The following CCBE1 variants were observed in gnomAD, a reference collection of about 807,000 sequenced individuals.
The protein encoded by CCBE1 is collagen and calcium-binding EGF domain-containing protein 1.
Under a neutral mutation model 50.0 loss-of-function variants are expected in CCBE1, and 37 were observed. The ratio of observed to expected loss-of-function variants is 0.74; its 90% CI spans 0.57 to 0.97. The LOEUF is 0.97. Ranked by LOEUF, CCBE1 falls within the 50% of genes least tolerant of loss-of-function variation. The probability of loss-of-function intolerance (pLI) is 0.00; values close to 1 mark genes in which losing one functional copy is unlikely to be tolerated. For synonymous variants in CCBE1, 234 were observed against 203.7 expected (o/e 1.15, Z -1.27); for missense variants, 538 against 523.8 (o/e 1.03, Z -0.26).
At chr18:59,498,899 A>G (rs1024078230) in intron 2 of CCBE1, among the ~76,000 whole-genome samples, 3 of 152,200 alleles carry the variant, frequency 2.0e-5, no homozygotes, top group Admixed American at 1.3e-4. Flanking sequence ...AATGCTTTTT[A>G]ATCTGGTCTC....
chr18:59,577,668 T>C (rs1331429990), intron 2 of CCBE1, among the ~76,000 whole-genome samples: 4 of 152,196 alleles, frequency 2.6e-5, no homozygotes, highest in Non-Finnish European at 4.4e-5. Flanking sequence ...CCATGTGTGT[T>C]AGCGGTTCAA....
chr18:59,535,026 C>A (rs770395871), intron 2 of CCBE1, among the ~76,000 whole-genome samples: 1 of 152,184 alleles, frequency 6.6e-6, no homozygotes, highest in Non-Finnish European at 1.5e-5. Context: ...TCCTTCACAC[C>A]AGTTTCGAAT....
intron 2 of CCBE1, among the ~76,000 whole-genome samples, chr18:59,569,210 T>G (rs930944796): frequency 6.6e-6 from 1 of 152,228 alleles, no homozygotes; most frequent in Admixed American, 6.5e-5. Context: ...AAGGGCTGGG[T>G]TGGCTGTGGT....
intron 2 of CCBE1, among the ~76,000 whole-genome samples, chr18:59,488,697 C>T (rs574745962): frequency 5.3e-5 from 8 of 152,288 alleles, no homozygotes; most frequent in African/African-American, 1.9e-4. Flanking sequence ...AGATAACTGA[C>T]ATTAAGTTCT....
At chr18:59,480,012 G>A (rs980917737) in intron 3 of CCBE1, among the ~76,000 whole-genome samples, 174 bp downstream of exon 3, 6 of 152,284 alleles carry the variant, frequency 3.9e-5, no homozygotes, top group Admixed American at 3.3e-4. Context: ...GACACTGCAC[G>A]CTACATATAA....
chr18:59,457,491 C>T (rs1911251860), intron 5 of CCBE1, among the ~76,000 whole-genome samples: 1 of 152,208 alleles, frequency 6.6e-6, no homozygotes, highest in African/African-American at 2.4e-5. Context: ...CATGTGGCTG[C>T]TGTGATGACT....
At chr18:59,561,216 G>A (rs186799116) in intron 2 of CCBE1, among the ~76,000 whole-genome samples, 43 of 152,278 alleles carry the variant, frequency 2.8e-4, no homozygotes, top group Non-Finnish European at 4.7e-4. Context: ...GTATGTAATG[G>A]GCCTGTGTAC....
chr18:59,448,153 C>T, intron 6 of CCBE1, 50 bp from the exon 7 acceptor site: 2 of 1,610,874 alleles, frequency 1.2e-6, no homozygotes, highest in Non-Finnish European at 1.7e-6. Flanking sequence ...CAGAAGAGAG[C>T]CTCGGCATTT....
At chr18:59,632,116 G>A (rs548951590) in intron 2 of CCBE1, among the ~76,000 whole-genome samples, 3 of 152,322 alleles carry the variant, frequency 2.0e-5, no homozygotes, top group Admixed American at 6.5e-5. Flanking sequence ...AGAAAGGGCT[G>A]TAGGGATCTC....
chr18:59,488,550 C>T (rs566959074), intron 2 of CCBE1, among the ~76,000 whole-genome samples: 18 of 152,148 alleles, frequency 1.2e-4, no homozygotes, highest in South Asian at 8.3e-4. Context: ...CCAACAAGGC[C>T]GCAAGCGATG....
chr18:59,588,930 C>T (rs919449), intron 2 of CCBE1, among the ~76,000 whole-genome samples: 16,919 of 152,264 alleles, frequency 0.11, 1,121 homozygotes, highest in African/African-American at 0.18. Flanking sequence ...CCATGCACAA[C>T]TTCCCCAGTA....
intron 2 of CCBE1, among the ~76,000 whole-genome samples, chr18:59,500,984 C>T (rs932004333): frequency 1.3e-5 from 2 of 152,232 alleles, no homozygotes; most frequent in African/African-American, 2.4e-5. Context: ...TCTGTGATTA[C>T]ACCCAGTTTA....
intron 2 of CCBE1, among the ~76,000 whole-genome samples, chr18:59,593,960 C>G (rs531920904): frequency 1.3e-3 from 196 of 152,276 alleles, no homozygotes; most frequent in African/African-American, 4.6e-3. Context: ...TCTTTCTTAC[C>G]TTGTGCATTC....
chr18:59,644,541 A>G (rs978239975), intron 2 of CCBE1, among the ~76,000 whole-genome samples: 1 of 152,366 alleles, frequency 6.6e-6, no homozygotes, highest in Admixed American at 6.5e-5. Flanking sequence ...ACTTACCATT[A>G]CTTCAGAACC....
intron 2 of CCBE1, among the ~76,000 whole-genome samples, chr18:59,551,749 A>G (rs1915938625): frequency 6.6e-6 from 1 of 152,260 alleles, no homozygotes; most frequent in African/African-American, 2.4e-5. Context: ...TTTGACATGG[A>G]CAAACGAAGG....
At chr18:59,451,383 C>A (rs1910922565) in intron 6 of CCBE1, among the ~76,000 whole-genome samples, 1 of 138,746 alleles carries the variant, frequency 7.2e-6, no homozygotes, top group Non-Finnish European at 1.5e-5. Flanking sequence ...CTCTCTGCAG[C>A]AATTTCACTC....
At chr18:59,678,914 C>T (rs1340901762) in intron 2 of CCBE1, among the ~76,000 whole-genome samples, 2 of 152,016 alleles carry the variant, frequency 1.3e-5, no homozygotes, top group East Asian at 3.9e-4. Flanking sequence ...AAAGTAAAGG[C>T]CTGTTCATTT....
intron 2 of CCBE1, among the ~76,000 whole-genome samples, chr18:59,556,599 G>A (rs2052660413): frequency 6.6e-6 from 1 of 152,202 alleles, no homozygotes; most frequent in South Asian, 2.1e-4. Flanking sequence ...GCAATGACCT[G>A]TGTGACCGAA....
chr18:59,528,175 C>A (rs1378010542), intron 2 of CCBE1, among the ~76,000 whole-genome samples: 1 of 152,118 alleles, frequency 6.6e-6, no homozygotes, highest in Admixed American at 6.5e-5. Context: ...TGTGTTCATT[C>A]CTTTTCATTC....
Sources: gnomAD v4.1 joint callset for allele counts (sites outside exome capture counted in the v4.1 genomes callset) on GRCh38, gnomAD v4.1.1 for gene constraint, MANE v1.5 for transcripts, NCBI Gene and HGNC (gene_info 2026-07-23, HGNC 2026-07-21) for gene names.